RANBP2: variants seen among roughly 807,000 people sequenced by gnomAD.
The protein encoded by RANBP2 is E3 SUMO-protein ligase RanBP2.
A neutral mutation model predicts 303.6 loss-of-function variants in RANBP2; 57 were observed. The observed-to-expected ratio is 0.19, with a 90% CI of 0.15 to 0.23. The LOEUF (loss-of-function observed/expected upper bound fraction) is 0.23. Among genes scored for constraint, RANBP2 ranks in the 10% least tolerant of loss-of-function variants. The probability of loss-of-function intolerance (pLI) is 1.00; values close to 1 mark genes in which losing one functional copy is unlikely to be tolerated. For synonymous variants in RANBP2, 1,167 were observed against 1,301.5 expected, an observed-to-expected ratio of 0.90 and a Z score of 2.23; for missense variants, 3,138 against 3,780.8, an observed-to-expected ratio of 0.83 and a Z score of 4.46.
the RANBP2 span, among the ~76,000 whole-genome samples, chr2:109,278,016 A>C: frequency 6.8e-6 from 1 of 147,786 alleles, no homozygotes; most frequent in African/African-American, 2.5e-5. Context: ...CTAACAAAAA[A>C]AAAAAAAAAA....
chr2:109,499,292 G>T, the RANBP2 span, among the ~76,000 whole-genome samples: 2 of 152,160 alleles, frequency 1.3e-5, no homozygotes, highest in Non-Finnish European at 2.9e-5. Flanking sequence ...GCCCTGCCAG[G>T]CCCATCTCGG....
At chr2:109,508,757 G>A in the RANBP2 span, among the ~76,000 whole-genome samples, 1 of 152,202 alleles carries the variant, frequency 6.6e-6, no homozygotes, top group East Asian at 1.9e-4. Flanking sequence ...AGCAGTCACA[G>A]ATGAATGTAA....
the RANBP2 span, among the ~76,000 whole-genome samples, chr2:108,807,112 A>G: frequency 6.6e-6 from 1 of 152,244 alleles, no homozygotes; most frequent in Non-Finnish European, 1.5e-5. Context: ...ACAGAATTGC[A>G]TAACTGAGAA....
At chr2:109,329,011 A>T in the RANBP2 span, among the ~76,000 whole-genome samples, 1 of 151,922 alleles carries the variant, frequency 6.6e-6, no homozygotes, top group South Asian at 2.1e-4. Context: ...TTCTTGAGGA[A>T]TTGGCCATGT....
At chr2:109,729,945 TGAA>T in the RANBP2 span, among the ~76,000 whole-genome samples, 1 of 152,190 alleles carries the variant, frequency 6.6e-6, no homozygotes, top group Non-Finnish European at 1.5e-5. Context: ...AGAGAGCATG[TGAA>T]GGAGGAACTG....
chr2:109,376,685 C>T, the RANBP2 span, among the ~76,000 whole-genome samples: 1 of 152,204 alleles, frequency 6.6e-6, no homozygotes, highest in African/African-American at 2.4e-5. Flanking sequence ...CTTTACTTAT[C>T]CTCAATAGGA....
At chr2:109,444,513 T>A in the RANBP2 span, among the ~76,000 whole-genome samples, 1 of 152,086 alleles carries the variant, frequency 6.6e-6, no homozygotes, top group African/African-American at 2.4e-5. Flanking sequence ...AATTCCATCA[T>A]TTTCCAGGGG....
rs753198036 is a variant in RANBP2, at chr2:108,765,225, A to G, written c.4686A>G (p.Arg1562=). 6.2e-7 allele frequency: 1 copy of G among 1,614,070 alleles called. No individual in the cohort carries two copies. The highest frequency in any genetic ancestry group is 1.1e-5 in the South Asian group (1 of 91,078). ...CLVRNEANAT[R]CVACQNPDKP... ...TGCGAAATGAAGCAAATGCTACAAG[A>G]TGTGTTGCTTGTCAGAATCCGGATA... Residue 1562 remains arginine, a synonymous_variant, in exon 20 of 29, where the codon AGA becomes AGG. Coordinates refer to ENST00000283195, the MANE Select transcript of RANBP2 (RefSeq NM_006267.5).
the RANBP2 span, among the ~76,000 whole-genome samples, chr2:109,147,156 G>A: frequency 6.6e-6 from 1 of 152,112 alleles, no homozygotes; most frequent in Admixed American, 6.6e-5. Context: ...AAAGACAGAG[G>A]TTGGCTGGCA....
the RANBP2 span, among the ~76,000 whole-genome samples, chr2:109,445,049 T>A: frequency 1.3e-5 from 2 of 152,136 alleles, no homozygotes; most frequent in African/African-American, 4.8e-5. Context: ...TATATTTAAA[T>A]ACAAAACCTC....
the RANBP2 span, among the ~76,000 whole-genome samples, chr2:109,090,310 TCACACACACACACACACACA>T: frequency 1.1e-4 from 12 of 109,742 alleles, no homozygotes; most frequent in African/African-American, 2.7e-4. Flanking sequence ...ACACCTCGCC[TCACACACACACACACACACA>T]CACACACACA....
At chr2:109,640,656 C>T in the RANBP2 span, among the ~76,000 whole-genome samples, 1 of 152,136 alleles carries the variant, frequency 6.6e-6, no homozygotes, top group African/African-American at 2.4e-5. Context: ...CTGTTCTCAG[C>T]TCCGGACAGT....
At chr2:109,001,589 C>G in the RANBP2 span, among the ~76,000 whole-genome samples, 1 of 152,256 alleles carries the variant, frequency 6.6e-6, no homozygotes, top group Admixed American at 6.5e-5. Context: ...CGTTGTGGCC[C>G]TGCTGCATGA....
chr2:109,644,141 A>C, the RANBP2 span, among the ~76,000 whole-genome samples: 20 of 7,296 alleles, frequency 2.7e-3, no homozygotes, highest in Non-Finnish European at 9.1e-3. Context: ...ACAAAAAAAC[A>C]AAAAAAAACT....
chr2:109,605,248 T>A, the RANBP2 span: 2 of 152,130 alleles, frequency 1.3e-5, no homozygotes, highest in Non-Finnish European at 2.9e-5. Context: ...ATCAGGCAGA[T>A]CACCTGAGGT....
At chr2:109,677,421 C>A in the RANBP2 span, among the ~76,000 whole-genome samples, 1 of 152,222 alleles carries the variant, frequency 6.6e-6, no homozygotes, top group Non-Finnish European at 1.5e-5. Flanking sequence ...CTATCCGTGA[C>A]TTTTCCTTGA....
At chr2:109,386,384 C>G in the RANBP2 span, among the ~76,000 whole-genome samples, 4 of 151,992 alleles carry the variant, frequency 2.6e-5, no homozygotes, top group Non-Finnish European at 5.9e-5. Context: ...GGACCAAACA[C>G]CAGGGGGCCG....
chr2:109,184,523 G>A, the RANBP2 span, among the ~76,000 whole-genome samples: 4 of 152,170 alleles, frequency 2.6e-5, no homozygotes, highest in Admixed American at 6.5e-5. Flanking sequence ...TGCGGATAGA[G>A]CTGGGCTGGG....
At chr2:109,447,884 C>T in the RANBP2 span, among the ~76,000 whole-genome samples, 1 of 152,196 alleles carries the variant, frequency 6.6e-6, no homozygotes, top group African/African-American at 2.4e-5. Flanking sequence ...GGTGGATCCA[C>T]AGTTGTAAGG....
Sources: allele counts gnomAD v4.1 joint callset (sites outside exome capture counted in the v4.1 genomes callset), GRCh38; gene constraint gnomAD v4.1.1; transcripts MANE v1.5; gene names NCBI Gene and HGNC (gene_info 2026-07-23, HGNC 2026-07-21).